The following SETD5 variants were observed in gnomAD, a reference collection of about 807,000 sequenced individuals.
The protein encoded by SETD5 is SET domain containing 5.
Under a neutral mutation model 153.3 loss-of-function variants are expected in SETD5, and 44 were observed. That is an observed-to-expected ratio of 0.29 (90% CI 0.23 to 0.37). The LOEUF (loss-of-function observed/expected upper bound fraction) is 0.37, where lower values mean the gene tolerates loss of function less well. Among genes scored for constraint, SETD5 ranks in the 10% least tolerant of loss-of-function variants. SETD5 has a pLI of 1.00. For synonymous variants in SETD5, 716 were observed against 645.2 expected (o/e 1.11, Z -1.66); for missense variants, 1,544 against 1,768.0 (o/e 0.87, Z 2.27).
intron 2 of SETD5, among the ~76,000 whole-genome samples, chr3:9,426,402 ATT>A (rs538258246): frequency 7.7e-6 from 1 of 129,914 alleles, no homozygotes; most frequent in Non-Finnish European, 1.7e-5. Flanking sequence ...CACCAGATTT[ATT>A]TTTTTTTTTT....
At chr3:9,454,298 A>G (rs947651635) in intron 17 of SETD5, among the ~76,000 whole-genome samples, 3 of 152,158 alleles carry the variant, frequency 2.0e-5, no homozygotes, top group African/African-American at 7.2e-5. Context: ...ATTGTTTTCA[A>G]AGGGGCTTGT....
intron 17 of SETD5, among the ~76,000 whole-genome samples, chr3:9,454,800 A>G (rs776901285): frequency 2.6e-5 from 4 of 152,100 alleles, no homozygotes; most frequent in African/African-American, 9.7e-5. Flanking sequence ...TTTTGTGACA[A>G]TCTTTTTACC....
intron 17 of SETD5, among the ~76,000 whole-genome samples, chr3:9,462,607 A>G (rs550310858): frequency 7.0e-6 from 1 of 142,138 alleles, no homozygotes; most frequent in South Asian, 2.3e-4. Context: ...AAAAAGAAAA[A>G]AAGAATATAG....
In SETD5 at chr3:9,474,444, T is replaced by C. The variant is rs1440808358; in HGVS notation, c.3498-5T>C. ...GCTTGAACTTGCACCCTGTTGCCTT[T>C]ACAGGATGGTTCCCACATCAGTAGA... On this transcript the variant is annotated splice_polypyrimidine_tract_variant and splice_region_variant and intron_variant, in intron 20 of 22. Transcript: ENST00000402198. 10 of 1,613,382 alleles carry C rather than the reference T, an allele frequency of 6.2e-6. No individual in the cohort carries two copies. Among genetic ancestry groups the C allele is most frequent in the Non-Finnish European group, 8.5e-6 (10 of 1,179,700 alleles).
intron 3 of SETD5, chr3:9,430,780 A>G: frequency 1.0e-6 from 1 of 966,620 alleles, no homozygotes; most frequent in Non-Finnish European, 1.2e-6. Flanking sequence ...GCCCGTAAAT[A>G]CTGCTGGGGA....
chr3:9,444,628 C>G, intron 11 of SETD5, among the ~76,000 whole-genome samples: 1 of 152,034 alleles, frequency 6.6e-6, no homozygotes, highest in South Asian at 2.1e-4. Flanking sequence ...CGGTGACTGA[C>G]GCCTGTAATC....
chr3:9,448,723 T>C, intron 16 of SETD5, 93 bp downstream of exon 16: 2 of 1,292,390 alleles, frequency 1.5e-6, no homozygotes, highest in Non-Finnish European at 1.0e-6. Flanking sequence ...ATAAATAAAA[T>C]GTTCTCTAGA....
intron 3 of SETD5, chr3:9,431,447 A>G: frequency 1.0e-6 from 1 of 958,782 alleles, no homozygotes; most frequent in Non-Finnish European, 1.2e-6. Context: ...CAAACTTTTA[A>G]TTCATATTTT....
At position 9,475,533 on chromosome 3, in the gene SETD5, G is replaced by C. The variant is rs202098816; in HGVS notation, c.3771G>C (p.Gln1257His). 1.1e-5 allele frequency: 17 copies of C among 1,613,800 alleles called. No homozygotes were observed. In the African/African-American group the frequency reaches 2.3e-4, roughly 22 times the overall value. ...CAGAATCACAAAGCCTCCTTCAGCA[G>C]AGTTCCTCCCCCTTCAGAGGACATC... ...PRTESQSLLQ[Q>H]SSSPFRGHPT... The change falls in exon 23 of 23, where the codon CAG becomes CAC. Residue 1257 changes from glutamine to histidine, a missense_variant. Coordinates refer to ENST00000402198, the MANE Select transcript of SETD5 (RefSeq NM_001080517.3).
intron 1 of SETD5, among the ~76,000 whole-genome samples, chr3:9,403,985 G>C (rs2125439092): frequency 6.6e-6 from 1 of 152,190 alleles, no homozygotes; most frequent in Non-Finnish European, 1.5e-5. Context: ...ATTGTGATAG[G>C]ATTTCTCTTT....
At chr3:9,465,539 A>G (rs1230131460) in intron 18 of SETD5, among the ~76,000 whole-genome samples, 1 of 152,170 alleles carries the variant, frequency 6.6e-6, no homozygotes, top group Non-Finnish European at 1.5e-5. Context: ...GCACTTCTCC[A>G]GATGTGTTTT....
chr3:9,423,311 CTG>C lies in SETD5; in HGVS notation c.-176-1154_-176-1153del, dbSNP rs1339862906. 3 of 152,290 alleles carry C rather than the reference CTG, an allele frequency of 2.0e-5. No homozygotes were observed. The South Asian group carries it at 6.2e-4, about 32-fold the overall frequency. 9.4% of individuals were successfully genotyped at this position (152,290 alleles called of 1,614,324 possible). The stretch of plus-strand genomic sequence containing the variant: ...TATTTAACATCCTTTTCCCTAGAAA[CTG>C]TATGTAAATGGCACCTCCTAAAGAG... On this transcript the variant is annotated intron_variant, in intron 1 of 22. Coordinates refer to ENST00000402198, the MANE Select transcript of SETD5 (RefSeq NM_001080517.3).
intron 11 of SETD5, among the ~76,000 whole-genome samples, chr3:9,444,175 T>C (rs374295560): frequency 1.2e-3 from 177 of 152,348 alleles, no homozygotes; most frequent in African/African-American, 4.1e-3. Flanking sequence ...AACCATGTTA[T>C]CTAGCTGTAT....
chr3:9,468,885 A>G (rs975879924), intron 18 of SETD5, among the ~76,000 whole-genome samples: 2 of 152,048 alleles, frequency 1.3e-5, no homozygotes, highest in Non-Finnish European at 2.9e-5. Flanking sequence ...AAAGAATAGA[A>G]TCTAGAAGTC....
chr3:9,476,258 G>A lies in SETD5; in HGVS notation c.*167G>A, dbSNP rs2045846204. 3 of 917,636 alleles carry A rather than the reference G, an allele frequency of 3.3e-6. No homozygotes were observed. The highest frequency in any genetic ancestry group is 4.8e-6 in the Non-Finnish European group (3 of 629,070). 56.8% of individuals were successfully genotyped at this position (917,636 alleles called of 1,614,324 possible). A position where few individuals can be genotyped will look rare whatever the true frequency, so the allele number is the denominator to read the frequency against. The stretch of plus-strand genomic sequence containing the variant: ...GACTTGTGGTCACAATTGGCCTCTG[G>A]CCTTGGAGAAAGCTGTAAATCTTGT... On this transcript the variant is annotated 3_prime_UTR_variant, in exon 23 of 23. Transcript: ENST00000402198.
In SETD5 at chr3:9,470,633, C is replaced by G. The variant is rs2045196920; in HGVS notation, c.2899C>G (p.Gln967Glu). ...GFPSRSGDGHQTLVRNSDQAF... is the reference protein window; with the variant it reads ...GFPSRSGDGHETLVRNSDQAF... Reference sequence around the variant, plus strand: ...CCCAAGCAGAAGTGGAGATGGACATCAGACCCTCGTGAGAAACTCAGACCA... The same window carrying G: ...CCCAAGCAGAAGTGGAGATGGACATGAGACCCTCGTGAGAAACTCAGACCA... The change falls in exon 19 of 23, where the codon CAG becomes GAG. Residue 967 changes from glutamine to glutamate, a missense_variant. Gln to Glu is a conservative substitution (Grantham distance 29, BLOSUM62 2). Transcript: ENST00000402198. 1 of 1,613,964 alleles carries G rather than the reference C, an allele frequency of 6.2e-7. No individual in the cohort carries two copies. Among genetic ancestry groups the G allele is most frequent in the Non-Finnish European group, 8.5e-7 (1 of 1,179,888 alleles).
At chr3:9,404,774 T>C (rs1436924051) in intron 1 of SETD5, among the ~76,000 whole-genome samples, 1 of 152,218 alleles carries the variant, frequency 6.6e-6, no homozygotes, top group Admixed American at 6.5e-5. Context: ...AAGTTCCTGG[T>C]AAAAGTGAGA....
chr3:9,441,557 G>C (rs951971578), intron 8 of SETD5, 36 bp from the exon 9 acceptor site: 3 of 1,605,976 alleles, frequency 1.9e-6, no homozygotes, highest in Non-Finnish European at 2.6e-6. Flanking sequence ...AGGTGTTCTT[G>C]CTGTTGTTTA....
At chr3:9,424,903 C>T (rs2124972379) in intron 2 of SETD5, among the ~76,000 whole-genome samples, 1 of 152,190 alleles carries the variant, frequency 6.6e-6, no homozygotes, top group South Asian at 2.1e-4. Context: ...TAAGAAGCCT[C>T]ATCATTATTA....
Sources: allele counts gnomAD v4.1 joint callset (sites outside exome capture counted in the v4.1 genomes callset), GRCh38; gene constraint gnomAD v4.1.1; transcripts MANE v1.5; gene names NCBI Gene and HGNC (gene_info 2026-07-23, HGNC 2026-07-21).